The following RBFOX1 variants were observed in gnomAD, a reference collection of about 807,000 sequenced individuals.
The protein encoded by RBFOX1 is RNA binding fox-1 homolog 1, also known as RNA binding protein fox-1 homolog 1.
A neutral mutation model predicts 57.7 loss-of-function variants in RBFOX1; 8 were observed. The ratio of observed to expected loss-of-function variants is 0.14; its 90% CI spans 0.08 to 0.25. RBFOX1 has a LOEUF of 0.25. Among genes scored for constraint, RBFOX1 ranks in the 10% least tolerant of loss-of-function variants. The pLI is 1.00. For missense variants in RBFOX1, 611 were observed against 548.5 expected, an observed-to-expected ratio of 1.11 and a Z score of -1.14; for synonymous variants, 326 against 222.4, an observed-to-expected ratio of 1.47 and a Z score of -4.15.
intron 4 of RBFOX1, among the ~76,000 whole-genome samples, chr16:7,098,676 G>C (rs905658933): frequency 6.6e-6 from 1 of 152,136 alleles, no homozygotes; most frequent in Non-Finnish European, 1.5e-5. Flanking sequence ...TCTTGGCTGG[G>C]TGGTGGCTCA....
At chr16:6,058,253 CT>C (rs747620375) in intron 1 of RBFOX1, among the ~76,000 whole-genome samples, 7 of 151,856 alleles carry the variant, frequency 4.6e-5, no homozygotes, top group African/African-American at 9.7e-5. Context: ...ATCCCTGCCC[CT>C]ATTCTCTTTC....
intron 2 of RBFOX1, among the ~76,000 whole-genome samples, chr16:5,543,882 C>G (rs557460029): frequency 6.6e-6 from 1 of 151,944 alleles, no homozygotes; most frequent in Non-Finnish European, 1.5e-5. Flanking sequence ...GGGAGTAAAA[C>G]AACAAAACAA....
At chr16:7,142,733 G>T (rs2074095622) in intron 4 of RBFOX1, among the ~76,000 whole-genome samples, 1 of 152,136 alleles carries the variant, frequency 6.6e-6, no homozygotes, top group Admixed American at 6.5e-5. Context: ...ATTCCAGTGA[G>T]AACCACCTCT....
intron 1 of RBFOX1, among the ~76,000 whole-genome samples, chr16:6,055,589 T>TGAAAAAAA: frequency 3.6e-5 from 1 of 27,710 alleles, no homozygotes; most frequent in African/African-American, 9.7e-5. Flanking sequence ...TGAGACTCCG[T>TGAAAAAAA]CAAAAAAAAA....
At chr16:7,025,862 G>T (rs1363845592) in intron 3 of RBFOX1, among the ~76,000 whole-genome samples, 1 of 152,116 alleles carries the variant, frequency 6.6e-6, no homozygotes, top group African/African-American at 2.4e-5. Context: ...CAAAGCTCCA[G>T]CAACCAGGAT....
intron 1 of RBFOX1, among the ~76,000 whole-genome samples, chr16:6,119,559 T>C (rs1010203728): frequency 1.1e-4 from 17 of 152,254 alleles, no homozygotes; most frequent in African/African-American, 4.1e-4. Flanking sequence ...CATGTATTCA[T>C]TGGAACACTT....
intron 3 of RBFOX1, among the ~76,000 whole-genome samples, chr16:7,042,233 C>A (rs1348895697): frequency 6.6e-6 from 1 of 152,184 alleles, no homozygotes; most frequent in Non-Finnish European, 1.5e-5. Context: ...CTTGTCAGGG[C>A]ACAGTAGCTA....
At chr16:7,179,732 G>A (rs963077426) in intron 4 of RBFOX1, among the ~76,000 whole-genome samples, 4 of 150,580 alleles carry the variant, frequency 2.7e-5, no homozygotes, top group Non-Finnish European at 4.5e-5. Context: ...CATCTTCCCA[G>A]ATTTTTTTTT....
chr16:6,653,281 G>C (rs964371135), intron 2 of RBFOX1, among the ~76,000 whole-genome samples: 1 of 151,336 alleles, frequency 6.6e-6, no homozygotes, highest in Admixed American at 6.6e-5. Flanking sequence ...ATTCTTTCTG[G>C]AATACCATTA....
At position 6,528,913 on chromosome 16, in the gene RBFOX1, G is replaced by A. The variant is rs1460666035; in HGVS notation, c.-63-125690G>A. Among the ~76,000 whole-genome samples the A allele has an allele frequency of 4.6e-5, 7 of 152,152 alleles. No individual in the cohort carries two copies. The South Asian group carries it at 8.3e-4, about 18-fold the overall frequency. ...GGAAGAAATTGGTGTAGGGGCCAGA[G>A]GAATATTTATTAAATGAACAGGTAA... On this transcript the variant is annotated intron_variant, in intron 2 of 15. Coordinates refer to ENST00000550418, the MANE Select transcript of RBFOX1 (RefSeq NM_018723.4).
intron 1 of RBFOX1, among the ~76,000 whole-genome samples, chr16:5,461,435 G>A (rs907044481): frequency 6.6e-6 from 1 of 152,088 alleles, no homozygotes; most frequent in Non-Finnish European, 1.5e-5. Context: ...GGGAGGGCAG[G>A]CACCTAATTA....
chr16:5,917,338 A>G (rs918887194), intron 4 of RBFOX1, among the ~76,000 whole-genome samples: 1 of 152,250 alleles, frequency 6.6e-6, no homozygotes, highest in Non-Finnish European at 1.5e-5. Context: ...ACCACCGGAC[A>G]TGCTGCTAAG....
At chr16:5,615,981 A>G (rs2048009734) in intron 3 of RBFOX1, 1 of 152,266 alleles carries the variant, frequency 6.6e-6, no homozygotes, top group Non-Finnish European at 1.5e-5. Flanking sequence ...CGTCTCCAGG[A>G]AGCATGGTTT....
intron 3 of RBFOX1, among the ~76,000 whole-genome samples, chr16:5,841,230 G>A (rs554310708): frequency 3.2e-4 from 48 of 152,266 alleles, no homozygotes; most frequent in Admixed American, 3.3e-4. Context: ...ATGAAGAAAC[G>A]GAAGCATGAG....
chr16:7,077,317 A>G (rs935881963), intron 4 of RBFOX1, among the ~76,000 whole-genome samples: 3 of 152,234 alleles, frequency 2.0e-5, no homozygotes, highest in Non-Finnish European at 4.4e-5. Context: ...GTAACTGACC[A>G]AAGTAAATGC....
intron 3 of RBFOX1, among the ~76,000 whole-genome samples, chr16:6,961,782 T>A (rs1218169175): frequency 1.3e-5 from 2 of 152,062 alleles, no homozygotes; most frequent in Non-Finnish European, 2.9e-5. Context: ...CTAGTGAGAG[T>A]GTCCTTTAGC....
intron 2 of RBFOX1, among the ~76,000 whole-genome samples, chr16:5,474,096 A>G (rs76043877): frequency 0.013 from 1,943 of 152,126 alleles, 45 homozygotes; most frequent in African/African-American, 0.044. Context: ...GTCTGGCTGA[A>G]TTTTCCTGAG....
intron 2 of RBFOX1, among the ~76,000 whole-genome samples, chr16:6,473,053 C>T (rs947398858): frequency 2.0e-5 from 3 of 152,128 alleles, no homozygotes; most frequent in African/African-American, 4.8e-5. Flanking sequence ...GAGGAACACC[C>T]ATGATTACCT....
intron 1 of RBFOX1, among the ~76,000 whole-genome samples, chr16:5,360,268 A>G (rs1387218174): frequency 6.6e-6 from 1 of 152,166 alleles, no homozygotes; most frequent in African/African-American, 2.4e-5. Flanking sequence ...AGGGCGAGGG[A>G]TAATTAGAGG....
Sources: allele counts gnomAD v4.1 joint callset (sites outside exome capture counted in the v4.1 genomes callset), GRCh38; gene constraint gnomAD v4.1.1; transcripts MANE v1.5; gene names NCBI Gene and HGNC (gene_info 2026-07-23, HGNC 2026-07-21).